SERPINB6: variants seen among roughly 807,000 people sequenced by gnomAD.
The protein encoded by SERPINB6 is serpin family B member 6.
A neutral mutation model predicts 26.1 loss-of-function variants in SERPINB6; 16 were observed. The observed-to-expected ratio is 0.61, with a 90% CI of 0.42 to 0.93. The LOEUF (loss-of-function observed/expected upper bound fraction) is 0.93. Ranked by LOEUF, SERPINB6 falls within the 40% of genes least tolerant of loss-of-function variation. SERPINB6 has a pLI of 0.00. For synonymous variants in SERPINB6, 174 were observed against 176.6 expected, an observed-to-expected ratio of 0.99 and a Z score of 0.11; for missense variants, 420 against 478.0, an observed-to-expected ratio of 0.88 and a Z score of 1.13.
intron 2 of SERPINB6, among the ~76,000 whole-genome samples, chr6:2,958,802 G>A (rs565094102): frequency 1.3e-5 from 2 of 152,070 alleles, no homozygotes; most frequent in East Asian, 1.9e-4. Flanking sequence ...GGCTTTACGC[G>A]TAAATGAGAA....
chr6:2,963,275 C>T (rs1236134571), intron 1 of SERPINB6: 1 of 152,148 alleles, frequency 6.6e-6, no homozygotes, highest in East Asian at 1.9e-4. Context: ...AAAAAAATAT[C>T]ACTTTTTTGA....
chr6:2,959,997 GCCTGA>G, intron 1 of SERPINB6: 1 of 164,576 alleles, frequency 6.1e-6, no homozygotes, highest in Admixed American at 5.8e-5. Context: ...GCCTTCCTGC[GCCTGA>G]ACTCACAGCA....
Position 2,955,839 on chromosome 6 carries a change from G to A in SERPINB6, c.166-169C>T, listed in dbSNP as rs190312142. On this transcript the variant is annotated intron_variant, in intron 2 of 6. Coordinates refer to ENST00000380539, the MANE Select transcript of SERPINB6 (RefSeq NM_004568.6). Reference sequence around the variant, plus strand: ...CGCCTATAATCCCAGCACTTTGGGAGGCCAAGGCGGGAGGATCACCTGAGG... The same window carrying A: ...CGCCTATAATCCCAGCACTTTGGGAAGCCAAGGCGGGAGGATCACCTGAGG... 267 of 654,930 alleles carry A rather than the reference G, an allele frequency of 4.1e-4. No individual in the cohort carries two copies. The African/African-American group carries it at 4.3e-3, about 11-fold the overall frequency. 40.6% of individuals were successfully genotyped at this position (654,930 alleles called of 1,614,324 possible).
intron 5 of SERPINB6, among the ~76,000 whole-genome samples, chr6:2,952,463 C>T (rs1251249392): frequency 1.3e-5 from 2 of 152,248 alleles, no homozygotes; most frequent in Admixed American, 1.3e-4. Context: ...CAAATGACAT[C>T]TTCCACGCTG....
At chr6:2,961,916 G>C in intron 1 of SERPINB6, 2 of 984,882 alleles carry the variant, frequency 2.0e-6, no homozygotes, top group Non-Finnish European at 2.4e-6. Flanking sequence ...GTAGAGACAA[G>C]GTTCTTGCCA....
At chr6:2,971,658 G>A (rs1334340202), upstream of SERPINB6, 2 of 152,140 alleles carry the variant, frequency 1.3e-5, no homozygotes, top group Admixed American at 6.5e-5. Context: ...TCCGGAGCGC[G>A]AAGGGAGAGG....
intron 1 of SERPINB6, chr6:2,969,510 T>C: frequency 4.1e-6 from 4 of 985,314 alleles, no homozygotes; most frequent in Non-Finnish European, 4.8e-6. Flanking sequence ...ATTTTATGTA[T>C]TTTTTAAACA....
rs1293087319 is a variant in SERPINB6, at chr6:2,950,533, A to T, written c.574-1464T>A. On this transcript the variant is annotated intron_variant, in intron 5 of 6. Transcript: ENST00000380539. ...GGGAGACAGACCGAGACTCCATCTCAAAAAAAAAAAAAAAAAGGCACTCAG... is the reference window on the plus strand; with the variant it reads ...GGGAGACAGACCGAGACTCCATCTCTAAAAAAAAAAAAAAAAGGCACTCAG... Among the ~76,000 whole-genome samples the T allele has an allele frequency of 9.1e-4, 4 of 4,418 alleles. 1 individual carries two copies. Among genetic ancestry groups the T allele is most frequent in the African/African-American group, 3.6e-3 (4 of 1,098 alleles). 2.9% of individuals were successfully genotyped at this position (4,418 alleles called of 152,430 possible).
chr6:2,971,162 C>T, intron 1 of SERPINB6: 1 of 1,002,808 alleles, frequency 1.0e-6, no homozygotes, highest in Non-Finnish European at 1.2e-6. Context: ...GCGCCGGCCG[C>T]CTCTTCCGTG....
rs748293831 is a variant in SERPINB6 at position 2,959,224 on chromosome 6, C to T, written c.109G>A (p.Ala37Thr). The T allele has an allele frequency of 6.2e-7, 1 of 1,614,220 alleles. No homozygotes were observed. The highest frequency in any genetic ancestry group is 1.1e-5 in the South Asian group (1 of 91,086). ...GCCCCCATGTAGACCATGGCCAGGG[C>T]ACAGGACATGCTCATGGGTGAGAAA... is the stretch of plus-strand genomic sequence containing the variant. ...VFFSPMSMSC[A>T]LAMVYMGAKG... The change falls in exon 2 of 7, where the codon GCC (alanine) becomes ACC (threonine). Residue 37 changes from alanine (A) to threonine (T), a missense_variant. Ala to Thr is a moderately conservative substitution (Grantham distance 58). Transcript: ENST00000380539.
chr6:2,970,880 C>G (rs548295011), intron 1 of SERPINB6: 1 of 1,231,194 alleles, frequency 8.1e-7, no homozygotes, highest in Non-Finnish European at 1.0e-6. Flanking sequence ...CTGGTCCACA[C>G]GATCGTCTCC....
intron 2 of SERPINB6, chr6:2,958,202 G>A (rs1770702221): frequency 6.6e-6 from 1 of 152,498 alleles, no homozygotes; most frequent in South Asian, 2.1e-4. Flanking sequence ...CACACAGAGA[G>A]ATGACCATGT....
chr6:2,953,289 A>ACAGTGGAACTCTCTATCCG, intron 4 of SERPINB6, 103 bp from the exon 5 acceptor site: 1 of 1,478,718 alleles, frequency 6.8e-7, no homozygotes, highest in Non-Finnish European at 9.4e-7. Context: ...AAGTGCACGG[A>ACAGTGGAACTCTCTATCCG]TAGAGAGTTC....
At chr6:2,954,050 T>C (rs1435805877) in intron 4 of SERPINB6, among the ~76,000 whole-genome samples, 2 of 149,224 alleles carry the variant, frequency 1.3e-5, no homozygotes, top group Non-Finnish European at 3.0e-5. Context: ...AAAAGAAAAT[T>C]GAGGCTGCAG....
chr6:2,948,379 G>A lies in SERPINB6; in HGVS notation c.1050C>T (p.Cys350=), dbSNP rs201048748. ...TGAAGAAAAGGAAGGGGTGGTCGGCGCAGAAGCGGGGGACGAATCTGGCAC... is the reference window on the plus strand; with the variant it reads ...TGAAGAAAAGGAAGGGGTGGTCGGCACAGAAGCGGGGGACGAATCTGGCAC... ...MRCARFVPRF[C]ADHPFLFFIQ... is the part of the protein sequence containing the mutation. The change falls in exon 7 of 7, where the codon TGC becomes TGT. Residue 350 remains cysteine, a synonymous_variant. Coordinates refer to ENST00000380539, the MANE Select transcript of SERPINB6 (RefSeq NM_004568.6). The surrounding 1 kb of genome is among the most constrained non-coding windows in gnomAD (Gnocchi z 5.0). The A allele has an allele frequency of 2.1e-4, 343 of 1,614,146 alleles. No individual in the cohort carries two copies. Among genetic ancestry groups the A allele is most frequent in the Non-Finnish European group, 2.5e-4 (298 of 1,180,020 alleles).
rs1407211167 is a variant in SERPINB6, at chr6:2,959,289, AG to A, written c.43del (p.Leu15PhefsTer2). ...GTTGTCTTTACCCAGCGTTTTCAAAAGGTTTAAGGCAAAGGTGCCATTTGCT... is the reference window on the plus strand; with the variant it reads ...GTTGTCTTTACCCAGCGTTTTCAAAAGTTTAAGGCAAAGGTGCCATTTGCT... ...AEANGTFALNLLKTLGKDNSK... is the reference protein window; with the variant it reads ...AEANGTFALNXLKTLGKDNSK... On this transcript the variant is annotated frameshift_variant, in exon 2 of 7. Transcript: ENST00000380539. LOFTEE classifies it high-confidence loss of function. 1 of 1,614,192 alleles carries A rather than the reference AG, an allele frequency of 6.2e-7. No homozygotes were observed. The highest frequency in any genetic ancestry group is 1.7e-5 in the Admixed American group (1 of 60,014).
At chr6:2,970,641 C>T (rs1259925878) in intron 1 of SERPINB6, 2 of 1,222,490 alleles carry the variant, frequency 1.6e-6, no homozygotes, top group South Asian at 4.3e-5. Flanking sequence ...CAGATGCCCC[C>T]TCGCATCTGA....
chr6:2,954,842 G>T, intron 3 of SERPINB6, 133 bp from the exon 4 acceptor site: 1 of 706,452 alleles, frequency 1.4e-6, no homozygotes, highest in Non-Finnish European at 2.5e-6. Context: ...TAAATATGAG[G>T]ACTTAACCTA....
chr6:2,965,284 C>G (rs1168237368), intron 1 of SERPINB6, among the ~76,000 whole-genome samples: 1 of 152,208 alleles, frequency 6.6e-6, no homozygotes, highest in Admixed American at 6.5e-5. Flanking sequence ...AATCTACCAG[C>G]TGCATTTTCC....
Sources: gnomAD v4.1 joint callset for allele counts (sites outside exome capture counted in the v4.1 genomes callset) on GRCh38, gnomAD v4.1.1 for gene constraint, Gnocchi (gnomAD v3.1) non-coding constraint, MANE v1.5 for transcripts, NCBI Gene and HGNC (gene_info 2026-07-23, HGNC 2026-07-21) for gene names.